Variants in COL12A1 observed in about 807,000 individuals in gnomAD.
The protein encoded by COL12A1 is collagen type XII alpha 1 chain, also known as collagen alpha-1(XII) chain.
COL12A1 carries 114 observed loss-of-function variants against 349.7 expected under a neutral mutation model. The observed-to-expected ratio is 0.33, with a 90% CI of 0.28 to 0.38. The LOEUF (loss-of-function observed/expected upper bound fraction) is 0.38, where lower values mean the gene tolerates loss of function less well. Among genes scored for constraint, COL12A1 ranks in the 10% least tolerant of loss-of-function variants. The probability of loss-of-function intolerance (pLI) is 1.00; values close to 1 mark genes in which losing one functional copy is unlikely to be tolerated. For synonymous variants in COL12A1, 1,369 were observed against 1,329.0 expected, an observed-to-expected ratio of 1.03 and a Z score of -0.66; for missense variants, 3,284 against 3,756.9, an observed-to-expected ratio of 0.87 and a Z score of 3.29.
At chr6:75,140,579 C>A (rs2149398925) in intron 27 of COL12A1, among the ~76,000 whole-genome samples, 1 of 146,560 alleles carries the variant, frequency 6.8e-6, no homozygotes, top group Admixed American at 7.0e-5. Flanking sequence ...TGGCGTGAAC[C>A]TGGGAGGCGG....
chr6:75,192,437 C>T (rs1050981674), intron 3 of COL12A1, 82 bp from the exon 4 acceptor site: 5 of 1,282,798 alleles, frequency 3.9e-6, no homozygotes, highest in Middle Eastern at 2.4e-4. Flanking sequence ...CCCAGAGGTA[C>T]TCAAAATCTG....
At chr6:75,167,357 T>C (rs1176288597) in intron 13 of COL12A1, among the ~76,000 whole-genome samples, 1 of 152,176 alleles carries the variant, frequency 6.6e-6, no homozygotes, top group Non-Finnish European at 1.5e-5. Flanking sequence ...TTCCTCTAAA[T>C]TTCCTAGATT....
chr6:75,182,832 G>C (rs1769382392), intron 10 of COL12A1, among the ~76,000 whole-genome samples: 1 of 152,134 alleles, frequency 6.6e-6, no homozygotes, highest in African/African-American at 2.4e-5. Flanking sequence ...CATGACTCTT[G>C]TAACTAAACA....
chr6:75,165,609 T>A lies in COL12A1; in HGVS notation c.2881A>T (p.Met961Leu), dbSNP rs370815575. Residue 961 changes from methionine to leucine, a missense_variant, in exon 14 of 66, where the codon ATG (methionine) becomes TTG (leucine). Transcript: ENST00000322507. Reference protein sequence around the residue: ...KNLPEDAIHTMIENLQPETKY... With the variant: ...KNLPEDAIHTLIENLQPETKY... Reference sequence around the variant, plus strand: ...GTCTCTGGCTGCAGATTTTCTATCATCGTATGAATTGCATCTTCAGGCAGA... The same window carrying A: ...GTCTCTGGCTGCAGATTTTCTATCAACGTATGAATTGCATCTTCAGGCAGA... 2 of 1,613,982 alleles carry A rather than the reference T, an allele frequency of 1.2e-6. No individual in the cohort carries two copies. Among genetic ancestry groups the A allele is most frequent in the East Asian group, 2.2e-5 (1 of 44,866 alleles).
At position 75,090,719 on chromosome 6, in the gene COL12A1, A is replaced by C. The variant is rs1429457976; in HGVS notation, c.8753-421T>G. Among the ~76,000 whole-genome samples the C allele has an allele frequency of 6.6e-6, 1 of 152,216 alleles. No homozygotes were observed. Among genetic ancestry groups the C allele is most frequent in the Non-Finnish European group, 1.5e-5 (1 of 68,040 alleles). ...GAATTGCCTGTGGGGCACCTTGAAA[A>C]ATCTGTATTTCTGGGCCTTATCTCC... On this transcript the variant is annotated intron_variant, in intron 62 of 65. Transcript: ENST00000322507. This position sits in a 1 kb window ranked among gnomAD's most constrained non-coding sequence, Gnocchi z 4.1.
Position 75,138,329 on chromosome 6 carries a change from T to G in COL12A1, c.5242A>C (p.Thr1748Pro). ...IGSERTLPIL[T>P]TQAPKSGPRN... is the part of the protein sequence containing the mutation. ...CAAATTAAATTCTTACCTTGTGTTG[T>G]TAAGATAGGCACTAAAAGAAAACAG... Residue 1748 changes from threonine (T) to proline (P), a missense_variant, in exon 30 of 66, where the codon ACA becomes CCA. Coordinates refer to ENST00000322507, the MANE Select transcript of COL12A1 (RefSeq NM_004370.6). 1 of 1,610,364 alleles carries G rather than the reference T, an allele frequency of 6.2e-7. No homozygotes were observed. Among genetic ancestry groups the G allele is most frequent in the Non-Finnish European group, 8.5e-7 (1 of 1,178,584 alleles).
At chr6:75,173,311 C>T (rs1209549760) in intron 13 of COL12A1, among the ~76,000 whole-genome samples, 2 of 152,070 alleles carry the variant, frequency 1.3e-5, no homozygotes, top group African/African-American at 2.4e-5. Flanking sequence ...TTTAATCTTT[C>T]ATTTAAATCT....
intron 1 of COL12A1, 126 bp from the exon 2 acceptor site, chr6:75,202,953 C>T: frequency 6.6e-6 from 4 of 607,016 alleles, no homozygotes. Context: ...GGGCCTACTC[C>T]AGCACATAAT....
At chr6:75,194,528 T>C (rs1403732606) in intron 3 of COL12A1, among the ~76,000 whole-genome samples, 1 of 152,128 alleles carries the variant, frequency 6.6e-6, no homozygotes, top group East Asian at 1.9e-4. Context: ...TGCCAAAGAA[T>C]GAGGATTTGA....
intron 5 of COL12A1, 110 bp from the exon 6 acceptor site, chr6:75,189,925 A>T: frequency 8.6e-7 from 1 of 1,165,918 alleles, no homozygotes; most frequent in Non-Finnish European, 1.2e-6. Flanking sequence ...TCATTAGAAC[A>T]TATTCACCAA....
chr6:75,119,065 C>A lies in COL12A1; in HGVS notation c.7332G>T (p.Ala2444=). The change falls in exon 46 of 66, where the codon GCG becomes GCT. Residue 2444 remains alanine, a synonymous_variant. Transcript: ENST00000322507. ...DGRSQDEVKK[A]ALVIQQSGFS... ...TGCCTGACTGCTGGATGACCAAAGC[C>A]GCCTTCTTGACCTCATCCTGGGACC... 1.2e-6 allele frequency: 2 copies of A among 1,613,916 alleles called. No homozygotes were observed. Among genetic ancestry groups the A allele is most frequent in the South Asian group, 2.2e-5 (2 of 91,066 alleles).
At chr6:75,172,308 T>A (rs971151905) in intron 13 of COL12A1, among the ~76,000 whole-genome samples, 1 of 152,232 alleles carries the variant, frequency 6.6e-6, no homozygotes, top group Non-Finnish European at 1.5e-5. Context: ...CAATTTGTAA[T>A]ATATTATTCT....
In COL12A1 at chr6:75,130,161, T is replaced by A. The variant is rs569212577; in HGVS notation, c.6140A>T (p.His2047Leu). The A allele has an allele frequency of 1.2e-6, 2 of 1,614,136 alleles. No homozygotes were observed. Among genetic ancestry groups the A allele is most frequent in the Non-Finnish European group, 1.7e-6 (2 of 1,179,988 alleles). Residue 2047 changes from histidine to leucine, a missense_variant, in exon 37 of 66, where the codon CAT (histidine) becomes CTT (leucine). Physicochemically the swap from His to Leu is moderately conservative, Grantham distance 99. Transcript: ENST00000322507. ...TTNSLSVAWDHADGPVQQYRI... is the reference protein window; with the variant it reads ...TTNSLSVAWDLADGPVQQYRI... ...GTACTGCTGAACTGGCCCATCAGCA[T>A]GATCCCAGGCTACCGAGAGGCTATT...
rs6931834 is a variant in COL12A1 at position 75,095,916 on chromosome 6, G to T, written c.8578-737C>A. ...TTTAGGCTGGAGAAGAATTAAGAAG[G>T]TGGCCAGTTTTGTGCTAAGTTGGGC... On this transcript the variant is annotated intron_variant, in intron 59 of 65. Transcript: ENST00000322507. Among the ~76,000 whole-genome samples the T allele has an allele frequency of 7.3e-3, 1,112 of 152,230 alleles. 10 individuals are homozygous for T. The highest frequency in any genetic ancestry group is 0.025 in the African/African-American group (1,032 of 41,530).
chr6:75,160,995 A>C (rs1172352158), intron 14 of COL12A1, among the ~76,000 whole-genome samples: 1 of 152,150 alleles, frequency 6.6e-6, no homozygotes, highest in African/African-American at 2.4e-5. Context: ...TTATTCACCC[A>C]TTTATTCCAG....
intron 40 of COL12A1, 29 bp downstream of exon 40, chr6:75,125,098 T>C: frequency 6.4e-7 from 1 of 1,556,412 alleles, no homozygotes; most frequent in Non-Finnish European, 8.7e-7. Flanking sequence ...ACAGTTTTTC[T>C]CACAACCATG....
intron 60 of COL12A1, among the ~76,000 whole-genome samples, chr6:75,092,282 C>T (rs1480117638): frequency 2.6e-5 from 4 of 151,986 alleles, no homozygotes; most frequent in South Asian, 2.1e-4. Context: ...CACCATAGCA[C>T]GTGTATACCT....
At chr6:75,137,293 A>G (rs1766663386) in intron 31 of COL12A1, 144 bp downstream of exon 31, 3 of 734,422 alleles carry the variant, frequency 4.1e-6, no homozygotes, top group Admixed American at 3.1e-5. Flanking sequence ...AGTGCCAGCT[A>G]AAGAGTCAGA....
rs555304297 is a variant in COL12A1, at chr6:75,136,867, G to A, written c.5394+570C>T. 2.0e-5 allele frequency among the ~76,000 whole-genome samples: 3 copies of A among 152,292 alleles called. No individual in the cohort carries two copies. The South Asian group carries it at 6.2e-4, about 32-fold the overall frequency. Reference sequence around the variant, plus strand: ...AATAGGGAAAGACTAGGAAGAGAAAGAGGATGAAGACTGAGTTTCGAGTCC... The same window carrying A: ...AATAGGGAAAGACTAGGAAGAGAAAAAGGATGAAGACTGAGTTTCGAGTCC... On this transcript the variant is annotated intron_variant, in intron 31 of 65. Coordinates refer to ENST00000322507, the MANE Select transcript of COL12A1 (RefSeq NM_004370.6).
Sources: gnomAD v4.1 joint callset for allele counts (sites outside exome capture counted in the v4.1 genomes callset) on GRCh38, gnomAD v4.1.1 for gene constraint, Gnocchi (gnomAD v3.1) non-coding constraint, MANE v1.5 for transcripts, NCBI Gene and HGNC (gene_info 2026-07-23, HGNC 2026-07-21) for gene names.